The following HCN1 variants were observed in gnomAD, a reference collection of about 807,000 sequenced individuals.
The protein encoded by HCN1 is potassium/sodium hyperpolarization-activated cyclic nucleotide-gated channel 1.
Under a neutral mutation model 78.9 loss-of-function variants are expected in HCN1, and 13 were observed. The observed-to-expected ratio is 0.16, with a 90% CI of 0.11 to 0.26. The LOEUF (loss-of-function observed/expected upper bound fraction) is 0.26, where lower values mean the gene tolerates loss of function less well. Ranked by LOEUF, HCN1 falls within the 10% of genes least tolerant of loss-of-function variation. HCN1 has a pLI of 1.00. For missense variants in HCN1, 810 were observed against 1,154.3 expected, an observed-to-expected ratio of 0.70 and a Z score of 4.32; for synonymous variants, 552 against 455.5, an observed-to-expected ratio of 1.21 and a Z score of -2.70.
chr5:45,477,882 T>G (rs557794723), intron 2 of HCN1, among the ~76,000 whole-genome samples: 1 of 152,186 alleles, frequency 6.6e-6, no homozygotes, highest in African/African-American at 2.4e-5. Flanking sequence ...ACCATTTTTC[T>G]ACAAGCATAG....
rs540848344 is a variant in HCN1 at position 45,323,276 on chromosome 5, TATTG to T, written c.1378-19441_1378-19438del. On this transcript the variant is annotated intron_variant, in intron 5 of 7. Transcript: ENST00000303230. ...AACTATCTCACGAATGATGTTCTTA[TATTG>T]ATTGTGTGTTGAAATCATAACATTT... Among the ~76,000 whole-genome samples, 1,388 of 152,064 alleles carry T rather than the reference TATTG, an allele frequency of 9.1e-3. 9 individuals are homozygous for T. Among genetic ancestry groups the T allele is most frequent in the Non-Finnish European group, 0.012 (811 of 67,920 alleles).
chr5:45,372,126 A>AACATAT (rs1747397849), intron 4 of HCN1, among the ~76,000 whole-genome samples: 2 of 54,608 alleles, frequency 3.7e-5, no homozygotes, highest in African/African-American at 1.1e-4. Flanking sequence ...TATATATTAT[A>AACATAT]TATATAATAT....
At chr5:45,490,591 C>T (rs1741861019) in intron 2 of HCN1, among the ~76,000 whole-genome samples, 1 of 152,068 alleles carries the variant, frequency 6.6e-6, no homozygotes, top group Non-Finnish European at 1.5e-5. Flanking sequence ...TCACACCTAC[C>T]ACTTCTGCTG....
intron 2 of HCN1, among the ~76,000 whole-genome samples, chr5:45,565,518 T>C (rs1743689059): frequency 6.6e-6 from 1 of 151,558 alleles, no homozygotes; most frequent in African/African-American, 2.4e-5. Flanking sequence ...TATAAAAGAG[T>C]GGTAAAAATA....
At chr5:45,312,039 T>A (rs148202188) in intron 5 of HCN1, among the ~76,000 whole-genome samples, 147 of 152,326 alleles carry the variant, frequency 9.7e-4, no homozygotes, top group Non-Finnish European at 1.5e-3. Context: ...TTTGTATTCA[T>A]TAAGAAGGTG....
chr5:45,553,728 T>A (rs1743419677), intron 2 of HCN1, among the ~76,000 whole-genome samples: 1 of 151,986 alleles, frequency 6.6e-6, no homozygotes, highest in Non-Finnish European at 1.5e-5. Context: ...CCAGGTGACT[T>A]ATAATACCTA....
intron 5 of HCN1, among the ~76,000 whole-genome samples, chr5:45,334,969 T>C (rs1181758168): frequency 6.6e-6 from 1 of 152,002 alleles, no homozygotes; most frequent in Non-Finnish European, 1.5e-5. Context: ...ACATACAAAT[T>C]ATGTTTTCTT....
At position 45,695,996 on chromosome 5, in the gene HCN1, G is replaced by A; in HGVS notation, c.98C>T (p.Ala33Val). 1.5e-6 allele frequency: 2 copies of A among 1,293,010 alleles called. No homozygotes were observed. Among genetic ancestry groups the A allele is most frequent in the Non-Finnish European group, 2.0e-6 (2 of 1,017,792 alleles). The allele number at this position is 1,293,010 out of a possible 1,614,324, so 80.1% of individuals were successfully genotyped here. ...AKASATGAGP[A>V]AAEKRLGTPP... is the part of the protein sequence containing the mutation. The stretch of plus-strand genomic sequence containing the variant: ...GGTGCCCAGGCGCTTCTCGGCCGCG[G>A]CCGGCCCCGCGCCCGTCGCGGACGC... The change falls in exon 1 of 8, where the codon GCC becomes GTC. Residue 33 changes from alanine to valine, a missense_variant. This residue lies in a region of HCN1 where 170 missense variants were observed against 166.8 expected (regional missense o/e 1.02). Transcript: ENST00000303230.
At chr5:45,316,306 C>CA (rs1199026487) in intron 5 of HCN1, among the ~76,000 whole-genome samples, 1 of 152,060 alleles carries the variant, frequency 6.6e-6, no homozygotes, top group Non-Finnish European at 1.5e-5. Flanking sequence ...GAACCAAAGG[C>CA]AAAAATCACA....
chr5:45,374,306 C>T (rs750004484), intron 4 of HCN1, among the ~76,000 whole-genome samples: 2 of 84,500 alleles, frequency 2.4e-5, no homozygotes, highest in South Asian at 4.1e-4. Flanking sequence ...ATATTGTATA[C>T]ATTATATACA....
intron 2 of HCN1, among the ~76,000 whole-genome samples, chr5:45,640,652 G>A (rs988910614): frequency 4.7e-5 from 7 of 149,390 alleles, no homozygotes; most frequent in Middle Eastern, 3.4e-3. Flanking sequence ...TCAGCTCACT[G>A]CAACCTCCAC....
chr5:45,556,611 T>A (rs1219141675), intron 2 of HCN1, among the ~76,000 whole-genome samples: 2 of 151,966 alleles, frequency 1.3e-5, no homozygotes, highest in Non-Finnish European at 2.9e-5. Context: ...TATTTAATAA[T>A]GTTTCAAGCT....
chr5:45,657,910 C>G lies in HCN1; in HGVS notation c.426-12302G>C, dbSNP rs571875605. ...AACTACTTTAAAGTTCATATGGAAC[C>G]AAAAAAGAGCCTGCATCGCCAAGTC... On this transcript the variant is annotated intron_variant, in intron 1 of 7. Transcript: ENST00000303230. 2.8e-3 allele frequency among the ~76,000 whole-genome samples: 422 copies of G among 152,148 alleles called. 2 individuals carry two copies. Among genetic ancestry groups the G allele is most frequent in the Admixed American group, 6.7e-3 (103 of 15,280 alleles).
At chr5:45,553,236 G>A (rs1272739481) in intron 2 of HCN1, among the ~76,000 whole-genome samples, 2 of 151,858 alleles carry the variant, frequency 1.3e-5, no homozygotes, top group African/African-American at 4.8e-5. Flanking sequence ...GTCACAGGCT[G>A]TCACATATTC....
At chr5:45,418,273 T>G (rs887764240) in intron 3 of HCN1, among the ~76,000 whole-genome samples, 4 of 151,822 alleles carry the variant, frequency 2.6e-5, no homozygotes, top group Middle Eastern at 6.9e-3. Flanking sequence ...ACATATTCAT[T>G]AAACTATATT....
intron 2 of HCN1, among the ~76,000 whole-genome samples, chr5:45,594,206 T>C (rs1430800229): frequency 6.6e-6 from 1 of 152,192 alleles, no homozygotes; most frequent in Non-Finnish European, 1.5e-5. Flanking sequence ...ATGATGATAG[T>C]ACCATTATTT....
At chr5:45,531,098 A>G (rs552497432) in intron 2 of HCN1, among the ~76,000 whole-genome samples, 1 of 152,228 alleles carries the variant, frequency 6.6e-6, no homozygotes, top group East Asian at 1.9e-4. Context: ...ATCACATGAA[A>G]AAAACAGCAA....
rs563383939 is a variant in HCN1 at position 45,293,393 on chromosome 5, C to T, written c.1618+10206G>A. On this transcript the variant is annotated intron_variant, in intron 6 of 7. Transcript: ENST00000303230. ...TGGTATACACCTGTAGTCCCAGCTA[C>T]TTGTGAGGCTTAGGCGGGAAGATCA... 8.6e-5 allele frequency among the ~76,000 whole-genome samples: 13 copies of T among 152,036 alleles called. No homozygotes were observed. The South Asian group carries it at 1.7e-3, about 19-fold the overall frequency.
chr5:45,336,883 C>A (rs958110063), intron 5 of HCN1, among the ~76,000 whole-genome samples: 2 of 151,966 alleles, frequency 1.3e-5, no homozygotes, highest in Non-Finnish European at 2.9e-5. Flanking sequence ...TGATCCCATT[C>A]ATGAGGGCTC....
Sources: allele counts gnomAD v4.1 joint callset (sites outside exome capture counted in the v4.1 genomes callset), GRCh38; gene constraint gnomAD v4.1.1; regional missense constraint gnomAD v4.1.1; transcripts MANE v1.5; gene names NCBI Gene and HGNC (gene_info 2026-07-23, HGNC 2026-07-21).